The following CELF2 variants were observed in gnomAD, a reference collection of about 807,000 sequenced individuals.
The protein encoded by CELF2 is CUG triplet repeat RNA-binding protein 2.
In CELF2, 8 loss-of-function variants were observed where a neutral mutation model predicts 62.6. The ratio of observed to expected loss-of-function variants is 0.13; its 90% CI spans 0.07 to 0.23. CELF2 has a LOEUF of 0.23. Among genes scored for constraint, CELF2 ranks in the 10% least tolerant of loss-of-function variants. The pLI, the probability that CELF2 is intolerant of heterozygous loss-of-function variation, is 1.00. For missense variants in CELF2, 333 were observed against 671.0 expected, an observed-to-expected ratio of 0.50 and a Z score of 5.56; for synonymous variants, 258 against 250.0, an observed-to-expected ratio of 1.03 and a Z score of -0.30.
the CELF2 span, among the ~76,000 whole-genome samples, chr10:10,535,157 G>T: frequency 6.6e-6 from 1 of 152,202 alleles, no homozygotes; most frequent in Non-Finnish European, 1.5e-5. Flanking sequence ...ACTGGCAGAT[G>T]AAATCAACAG....
intron 2 of CELF2, chr10:10,952,115 G>A (rs759484933): frequency 1.3e-5 from 2 of 152,230 alleles, no homozygotes; most frequent in Admixed American, 1.3e-4. Flanking sequence ...GAGCTTCTCT[G>A]CAGGCATCCA....
rs1266490854 is a variant in CELF2, at chr10:11,098,287, G to C, written c.75-67199G>C. On this transcript the variant is annotated intron_variant, in intron 1 of 12. Transcript: ENST00000633077. The surrounding 1 kb of genome is among the most constrained non-coding windows in gnomAD (Gnocchi z 4.0). ...ACGGGCACCCAGCAGCCCTCGCCTTGTCTTCCTGCGAAGGTTCAGGAGCCA... is the reference window on the plus strand; with the variant it reads ...ACGGGCACCCAGCAGCCCTCGCCTTCTCTTCCTGCGAAGGTTCAGGAGCCA... The C allele has an allele frequency of 1.3e-5, 2 of 152,368 alleles. No individual in the cohort carries two copies. Among genetic ancestry groups the C allele is most frequent in the African/African-American group, 4.8e-5 (2 of 41,450 alleles). 9.4% of individuals were successfully genotyped at this position (152,368 alleles called of 1,614,324 possible).
chr10:10,893,605 T>C (rs1382256205), intron 1 of CELF2, among the ~76,000 whole-genome samples: 2 of 152,040 alleles, frequency 1.3e-5, no homozygotes, highest in Non-Finnish European at 2.9e-5. Context: ...TAAAGAAAAG[T>C]GGTTTAATTG....
chr10:11,130,042 A>C (rs538077793), intron 1 of CELF2, among the ~76,000 whole-genome samples: 1 of 152,314 alleles, frequency 6.6e-6, no homozygotes, highest in African/African-American at 2.4e-5. Context: ...ACACTGCTTT[A>C]AATGTGTCCC....
chr10:10,796,218 A>C (rs951673482), upstream of CELF2, among the ~76,000 whole-genome samples: 1 of 152,178 alleles, frequency 6.6e-6, no homozygotes, highest in Non-Finnish European at 1.5e-5. Flanking sequence ...AAATGTCTTC[A>C]TTTGCATTAA....
At chr10:10,607,897 C>A in the CELF2 span, among the ~76,000 whole-genome samples, 54 of 151,838 alleles carry the variant, frequency 3.6e-4, no homozygotes, top group African/African-American at 1.3e-3. Flanking sequence ...TGGGAGGTGG[C>A]AGGTGGATCA....
intron 11 of CELF2, among the ~76,000 whole-genome samples, chr10:11,322,835 C>T (rs1354547239): frequency 6.6e-6 from 1 of 151,978 alleles, no homozygotes; most frequent in Non-Finnish European, 1.5e-5. Context: ...GAAAGAGACC[C>T]TACATCATAA....
At chr10:10,545,473 G>A in the CELF2 span, among the ~76,000 whole-genome samples, 2 of 152,146 alleles carry the variant, frequency 1.3e-5, no homozygotes, top group Non-Finnish European at 2.9e-5. Context: ...TCTAAGCAAG[G>A]AAAAGGATGT....
intron 1 of CELF2, among the ~76,000 whole-genome samples, chr10:11,152,497 G>T (rs1159300923): frequency 1.3e-5 from 2 of 152,098 alleles, no homozygotes; most frequent in Non-Finnish European, 2.9e-5. Flanking sequence ...AGTCTGTGTT[G>T]TCTTTCTAGA....
intron 9 of CELF2, among the ~76,000 whole-genome samples, chr10:11,298,888 C>G (rs564340650): frequency 6.6e-6 from 1 of 151,820 alleles, no homozygotes; most frequent in Non-Finnish European, 1.5e-5. Context: ...GAATAAGGTC[C>G]GATGATGTTT....
At chr10:10,729,481 G>A in the CELF2 span, among the ~76,000 whole-genome samples, 2 of 152,128 alleles carry the variant, frequency 1.3e-5, no homozygotes, top group African/African-American at 2.4e-5. Flanking sequence ...CAAGTTCCAA[G>A]ATATTCCTAA....
At chr10:10,881,280 C>T (rs2061423079) in intron 1 of CELF2, among the ~76,000 whole-genome samples, 1 of 152,136 alleles carries the variant, frequency 6.6e-6, no homozygotes, top group African/African-American at 2.4e-5. Flanking sequence ...TTTGAGAGAC[C>T]TCGCATGTCC....
Position 11,333,982 on chromosome 10 carries a change from T to C in CELF2, c.*4929T>C, listed in dbSNP as rs968195523. ...GATTTCGGGTTGATTGATTGATTGA[T>C]TGATAGAAAGAAAGTTGCTTTTCTT... On this transcript the variant is annotated 3_prime_UTR_variant, in exon 13 of 13. Coordinates refer to ENST00000633077, the MANE Select transcript of CELF2 (RefSeq NM_001326342.2). 3 of 152,414 alleles carry C rather than the reference T, an allele frequency of 2.0e-5. No individual in the cohort carries two copies. Among genetic ancestry groups the C allele is most frequent in the African/African-American group, 7.2e-5 (3 of 41,402 alleles). 9.4% of individuals were successfully genotyped at this position (152,414 alleles called of 1,614,324 possible).
At chr10:10,935,007 C>G (rs2066476693) in intron 2 of CELF2, 1 of 152,208 alleles carries the variant, frequency 6.6e-6, no homozygotes, top group Admixed American at 6.5e-5. Flanking sequence ...AAGGACTTCT[C>G]TGGGGTGACT....
At chr10:10,777,751 G>A in the CELF2 span, among the ~76,000 whole-genome samples, 4 of 152,156 alleles carry the variant, frequency 2.6e-5, no homozygotes, top group Non-Finnish European at 5.9e-5. Flanking sequence ...TTTGCCTTGA[G>A]GATGAACCGA....
At chr10:10,462,851 G>T in the CELF2 span, among the ~76,000 whole-genome samples, 1 of 152,082 alleles carries the variant, frequency 6.6e-6, no homozygotes, top group South Asian at 2.1e-4. Context: ...TTGCAACAGG[G>T]CTAAGATTGT....
At chr10:10,521,374 G>T in the CELF2 span, among the ~76,000 whole-genome samples, 2,387 of 152,256 alleles carry the variant, frequency 0.016, 24 homozygotes, top group Non-Finnish European at 0.026. Flanking sequence ...TGCCTGGGAA[G>T]CTATTGAGGC....
At chr10:11,162,509 G>T (rs1414545923) in intron 1 of CELF2, among the ~76,000 whole-genome samples, 3 of 152,228 alleles carry the variant, frequency 2.0e-5, no homozygotes, top group Admixed American at 6.5e-5. Context: ...AGGTGCTCAT[G>T]GGTGGCTCTG....
chr10:11,233,255 C>A (rs2069564556), intron 3 of CELF2, among the ~76,000 whole-genome samples: 1 of 152,180 alleles, frequency 6.6e-6, no homozygotes, highest in Non-Finnish European at 1.5e-5. Flanking sequence ...CACCTTACGC[C>A]ATGGGCTTTC....
Sources: gnomAD v4.1 joint callset for allele counts (sites outside exome capture counted in the v4.1 genomes callset) on GRCh38, gnomAD v4.1.1 for gene constraint, Gnocchi (gnomAD v3.1) non-coding constraint, MANE v1.5 for transcripts, NCBI Gene and HGNC (gene_info 2026-07-23, HGNC 2026-07-21) for gene names.